Variants in MAP1B observed in about 807,000 individuals in gnomAD.
The protein encoded by MAP1B is microtubule-associated protein 1B.
A neutral mutation model predicts 176.1 loss-of-function variants in MAP1B; 12 were observed. The observed-to-expected ratio is 0.07, with a 90% confidence interval of 0.04 to 0.11. The LOEUF is 0.11. MAP1B is among the 10% of genes least tolerant of loss of function. The probability of loss-of-function intolerance (pLI) is 1.00; values close to 1 mark genes in which losing one functional copy is unlikely to be tolerated. For missense variants in MAP1B, 2,523 were observed against 2,990.5 expected, an observed-to-expected ratio of 0.84 and a Z score of 3.65; for synonymous variants, 1,044 against 1,135.0, an observed-to-expected ratio of 0.92 and a Z score of 1.61.
intron 2 of MAP1B, among the ~76,000 whole-genome samples, chr5:72,157,932 CG>C (rs1561301159): frequency 6.6e-6 from 1 of 152,042 alleles, no homozygotes; most frequent in Non-Finnish European, 1.5e-5. Context: ...CTCAGCCTCC[CG>C]GGTCCAAGCG....
At chr5:72,146,889 A>G (rs1746054553) in intron 2 of MAP1B, among the ~76,000 whole-genome samples, 1 of 151,150 alleles carries the variant, frequency 6.6e-6, no homozygotes, top group Admixed American at 6.6e-5. Flanking sequence ...CAAAAGCAGC[A>G]CCTCCTTGGC....
At chr5:72,160,872 G>T (rs891049414) in intron 2 of MAP1B, among the ~76,000 whole-genome samples, 1 of 152,106 alleles carries the variant, frequency 6.6e-6, no homozygotes, top group Non-Finnish European at 1.5e-5. Flanking sequence ...CATTGGTCAG[G>T]GGCCTCAAAG....
At chr5:72,153,588 G>T (rs1366229543) in intron 2 of MAP1B, among the ~76,000 whole-genome samples, 1 of 151,960 alleles carries the variant, frequency 6.6e-6, no homozygotes, top group East Asian at 1.9e-4. Flanking sequence ...CACAGAGCTG[G>T]GTGATATGTG....
chr5:72,157,757 T>C (rs1389279236), intron 2 of MAP1B, among the ~76,000 whole-genome samples: 8 of 152,240 alleles, frequency 5.3e-5, no homozygotes, highest in East Asian at 1.9e-4. Context: ...CAGTAATTGC[T>C]TCTGGACTGT....
At chr5:72,155,560 T>TAC (rs1746211788) in intron 2 of MAP1B, among the ~76,000 whole-genome samples, 1 of 152,182 alleles carries the variant, frequency 6.6e-6, no homozygotes, top group Non-Finnish European at 1.5e-5. Flanking sequence ...GTTTTGCACA[T>TAC]ACAACCATAT....
At chr5:72,132,116 AC>A (rs1283397330) in intron 2 of MAP1B, among the ~76,000 whole-genome samples, 1 of 152,220 alleles carries the variant, frequency 6.6e-6, no homozygotes, top group Non-Finnish European at 1.5e-5. Context: ...GCCTGCCTTC[AC>A]CATTAAATCT....
intron 2 of MAP1B, among the ~76,000 whole-genome samples, chr5:72,144,365 G>C (rs996017736): frequency 1.3e-5 from 2 of 152,106 alleles, no homozygotes; most frequent in South Asian, 2.1e-4. Flanking sequence ...CTGCTCAGAG[G>C]CTTTCCCTCG....
chr5:72,110,990 G>T (rs1348417711), intron 1 of MAP1B, among the ~76,000 whole-genome samples: 1 of 152,206 alleles, frequency 6.6e-6, no homozygotes, highest in Non-Finnish European at 1.5e-5. Context: ...GTCTCCTCCA[G>T]AGTTTGGAAC....
chr5:72,179,581 T>C, intron 2 of MAP1B: 1 of 980,158 alleles, frequency 1.0e-6, no homozygotes, highest in South Asian at 4.7e-5. Flanking sequence ...CACCCACGGG[T>C]ATGCCAGGGG....
chr5:72,148,807 C>T (rs1746091540), intron 2 of MAP1B, among the ~76,000 whole-genome samples: 1 of 152,246 alleles, frequency 6.6e-6, no homozygotes, highest in African/African-American at 2.4e-5. Context: ...AGCAGCCACA[C>T]TGTGGTGTGC....
At chr5:72,176,497 C>G (rs577686511) in intron 2 of MAP1B, among the ~76,000 whole-genome samples, 7 of 152,256 alleles carry the variant, frequency 4.6e-5, no homozygotes, top group Non-Finnish European at 1.0e-4. Context: ...TAATATTTGC[C>G]CCACTACTTC....
chr5:72,119,098 T>G (rs1745480620), intron 2 of MAP1B, among the ~76,000 whole-genome samples: 1 of 152,226 alleles, frequency 6.6e-6, no homozygotes, highest in African/African-American at 2.4e-5. Flanking sequence ...ATAATATCCT[T>G]TGAGCAGGAA....
In MAP1B at chr5:72,197,435, A is replaced by G; in HGVS notation, c.4080A>G (p.Pro1360=). Residue 1360 remains proline, a synonymous_variant, in exon 5 of 7, where the codon CCA becomes CCG. Coordinates refer to ENST00000296755, the MANE Select transcript of MAP1B (RefSeq NM_005909.5). The stretch of plus-strand genomic sequence containing the variant: ...TCATTGAAAAACCACCAGCAGTTCC[A>G]GTGAGTTTTGAATTCAGTGATGCCA... ...TEVIEKPPAV[P]VSFEFSDAKD... The G allele has an allele frequency of 6.2e-7, 1 of 1,614,236 alleles. No individual in the cohort carries two copies. Among genetic ancestry groups the G allele is most frequent in the South Asian group, 1.1e-5 (1 of 91,082 alleles).
chr5:72,131,324 TTTA>T (rs748487847), intron 2 of MAP1B, among the ~76,000 whole-genome samples: 89 of 152,134 alleles, frequency 5.9e-4, no homozygotes, highest in Middle Eastern at 3.2e-3. Flanking sequence ...AAAAATTAAT[TTTA>T]TTATTATTAT....
Position 72,199,312 on chromosome 5 carries a change from A to G in MAP1B, c.5957A>G (p.Asp1986Gly). ...GAGAGGTCTAGAAGGCTTCTGGATGACATCAGCAATGGCTATGATGACTCT... is the reference window on the plus strand; with the variant it reads ...GAGAGGTCTAGAAGGCTTCTGGATGGCATCAGCAATGGCTATGATGACTCT... ...KTERSRRLLD[D>G]ISNGYDDSED... The change falls in exon 5 of 7, where the codon GAC becomes GGC. Residue 1986 changes from aspartate to glycine, a missense_variant. Around this residue, in one of 4 missense-constraint regions of MAP1B, gnomAD observed 1,925 missense variants for 2,126.0 expected, o/e 0.91. Transcript: ENST00000296755. This position sits in a 1 kb window ranked among gnomAD's most constrained non-coding sequence, Gnocchi z 4.2. The G allele has an allele frequency of 6.2e-7, 1 of 1,614,192 alleles. No homozygotes were observed.
intron 3 of MAP1B, among the ~76,000 whole-genome samples, chr5:72,184,564 T>C (rs1746850352): frequency 6.6e-6 from 1 of 152,250 alleles, no homozygotes; most frequent in African/African-American, 2.4e-5. Flanking sequence ...ACTGTTGCTA[T>C]GGAGAGTCAC....
chr5:72,195,069 A>G lies in MAP1B; in HGVS notation c.1714A>G (p.Asn572Asp), dbSNP rs772620413. The G allele has an allele frequency of 9.9e-6, 16 of 1,614,018 alleles. No homozygotes were observed. The highest frequency in any genetic ancestry group is 9.3e-6 in the Non-Finnish European group (11 of 1,180,022). ...KEETPEVTKV[N>D]HVEKPPKVES... ...AGAAACCCCTGAGGTCACAAAAGTGAATCACGTGGAAAAGCCACCCAAAGT... is the reference window on the plus strand; with the variant it reads ...AGAAACCCCTGAGGTCACAAAAGTGGATCACGTGGAAAAGCCACCCAAAGT... The change falls in exon 5 of 7, where the codon AAT becomes GAT. Residue 572 changes from asparagine (N) to aspartate (D), a missense_variant. Physicochemically the swap from Asn to Asp is conservative, Grantham distance 23. Around this residue, in one of 4 missense-constraint regions of MAP1B, gnomAD observed 1,925 missense variants for 2,126.0 expected, o/e 0.91. Coordinates refer to ENST00000296755, the MANE Select transcript of MAP1B (RefSeq NM_005909.5).
chr5:72,156,491 C>CT (rs569027208), intron 2 of MAP1B, among the ~76,000 whole-genome samples: 86 of 152,258 alleles, frequency 5.6e-4, no homozygotes, highest in Admixed American at 4.3e-3. Flanking sequence ...GGTGTGCAAA[C>CT]TGAGCAGTAA....
chr5:72,175,742 G>A (rs540023780), intron 2 of MAP1B, among the ~76,000 whole-genome samples: 33 of 152,164 alleles, frequency 2.2e-4, no homozygotes, highest in African/African-American at 7.7e-4. Flanking sequence ...TCCTGCACAT[G>A]GAAAACCAAA....
Sources: allele counts gnomAD v4.1 joint callset (sites outside exome capture counted in the v4.1 genomes callset), GRCh38; gene constraint gnomAD v4.1.1; regional missense constraint gnomAD v4.1.1; non-coding constraint Gnocchi (gnomAD v3.1); transcripts MANE v1.5; gene names NCBI Gene and HGNC (gene_info 2026-07-23, HGNC 2026-07-21).